Variants in REEP1 observed in about 807,000 individuals in gnomAD.
REEP1 encodes the protein receptor accessory protein 1, also known as receptor expression-enhancing protein 1.
In REEP1, 22 loss-of-function variants were observed where a neutral mutation model predicts 40.3. That is an observed-to-expected ratio of 0.55 (90% CI 0.39 to 0.78). The LOEUF is 0.78. Ranked by LOEUF, REEP1 falls within the 30% of genes least tolerant of loss-of-function variation. REEP1 has a pLI of 0.00. For synonymous variants in REEP1, 116 were observed against 139.2 expected (o/e 0.83, Z 1.17); for missense variants, 280 against 361.1 (o/e 0.78, Z 1.82).
intron 2 of REEP1, among the ~76,000 whole-genome samples, chr2:86,279,561 G>A (rs1338596615): frequency 6.6e-6 from 1 of 152,172 alleles, no homozygotes; most frequent in Non-Finnish European, 1.5e-5. Flanking sequence ...ATTAAATTAA[G>A]GACCTTCAGA....
chr2:86,241,136 C>A lies in REEP1; in HGVS notation c.418-8334G>T, dbSNP rs144254451. 1.6e-3 allele frequency among the ~76,000 whole-genome samples: 249 copies of A among 152,350 alleles called. 3 individuals carry two copies. The highest frequency in any genetic ancestry group is 5.8e-3 in the African/African-American group (240 of 41,586). On this transcript the variant is annotated intron_variant, in intron 5 of 8. Transcript: ENST00000538924. ...ACCAGGAGGGACCCTCCACATACAG[C>A]AGCTGCCCCTGGCCTTGCCTGTGGA...
intron 8 of REEP1, 29 bp from the exon 9 acceptor site, chr2:86,217,139 C>A: frequency 6.3e-7 from 1 of 1,593,180 alleles, no homozygotes; most frequent in Non-Finnish European, 8.6e-7. Context: ...AGGTGTCCCT[C>A]AGTTTGGTGT....
intron 1 of REEP1, among the ~76,000 whole-genome samples, chr2:86,332,436 A>AACACACACAC (rs55793634): frequency 0.063 from 8,521 of 136,026 alleles, 693 homozygotes; most frequent in African/African-American, 0.19. Context: ...CTTTCCTGGA[A>AACACACACAC]ACACACACAC....
intron 7 of REEP1, among the ~76,000 whole-genome samples, chr2:86,225,957 CA>C (rs528161657): frequency 8.2e-4 from 125 of 152,302 alleles, no homozygotes; most frequent in South Asian, 6.2e-3. Context: ...TGGCAACCAC[CA>C]GGTGGCTGTG....
chr2:86,246,995 C>G (rs1321972193), intron 5 of REEP1, among the ~76,000 whole-genome samples: 1 of 152,112 alleles, frequency 6.6e-6, no homozygotes, highest in Non-Finnish European at 1.5e-5. Context: ...GCCACCACGG[C>G]CAGCCTATGG....
At chr2:86,301,491 C>T (rs1313594498) in intron 1 of REEP1, among the ~76,000 whole-genome samples, 2 of 152,214 alleles carry the variant, frequency 1.3e-5, no homozygotes, top group African/African-American at 4.8e-5. Flanking sequence ...AAATAACTAA[C>T]AACAATTCCT....
intron 1 of REEP1, among the ~76,000 whole-genome samples, chr2:86,288,753 C>T (rs77665917): frequency 0.01 from 1,545 of 152,282 alleles, 28 homozygotes; most frequent in African/African-American, 0.035. Context: ...TAATACTCCC[C>T]ATTCTTGCCA....
In REEP1 at chr2:86,216,880, AT is replaced by A; in HGVS notation, c.*158del. ...CAAAATAAAGAAAAGGGGGAAAAAA[AT>A]AAATCCTTAAAAGTGGAAGGGGAGA... is the stretch of plus-strand genomic sequence containing the variant. On this transcript the variant is annotated 3_prime_UTR_variant, in exon 9 of 9. Coordinates refer to ENST00000538924, the MANE Select transcript of REEP1 (RefSeq NM_001371279.1). 1 of 641,824 alleles carries A rather than the reference AT, an allele frequency of 1.6e-6. No individual in the cohort carries two copies. Among genetic ancestry groups the A allele is most frequent in the African/African-American group, 1.8e-5 (1 of 54,578 alleles). 39.8% of individuals were successfully genotyped at this position (641,824 alleles called of 1,614,324 possible). A position where few individuals can be genotyped will look rare whatever the true frequency, so the allele number is the denominator to read the frequency against.
chr2:86,240,387 T>C (rs2104120951), intron 5 of REEP1, among the ~76,000 whole-genome samples: 1 of 152,342 alleles, frequency 6.6e-6, no homozygotes, highest in Middle Eastern at 3.4e-3. Flanking sequence ...GGGCAGGGGA[T>C]GGCACCGTCA....
rs536002782 is a variant in REEP1 at position 86,249,134 on chromosome 2, C to T, written c.417+2823G>A. On this transcript the variant is annotated intron_variant, in intron 5 of 8. Transcript: ENST00000538924. ...ATTAGACAGGCATGGTGGCAGGCGCCTATAATCCCAGCTACTCAGGAGGCT... is the reference window on the plus strand; with the variant it reads ...ATTAGACAGGCATGGTGGCAGGCGCTTATAATCCCAGCTACTCAGGAGGCT... 1.7e-3 allele frequency among the ~76,000 whole-genome samples: 261 copies of T among 152,254 alleles called. 1 individual carries two copies. Among genetic ancestry groups the T allele is most frequent in the Middle Eastern group, 3.4e-3 (1 of 294 alleles).
rs1679037585 is a variant in REEP1, at chr2:86,297,406, A to G, written c.33-15164T>C. Among the ~76,000 whole-genome samples the G allele has an allele frequency of 2.0e-5, 3 of 152,286 alleles. No homozygotes were observed. In the South Asian group the frequency reaches 6.2e-4, roughly 31 times the overall value. Reference sequence around the variant, plus strand: ...ATAATATACGTTATGATACTTGAAAATGGAAATGCTGCACAGACTTGCAAA... The same window carrying G: ...ATAATATACGTTATGATACTTGAAAGTGGAAATGCTGCACAGACTTGCAAA... On this transcript the variant is annotated intron_variant, in intron 1 of 8. Coordinates refer to ENST00000538924, the MANE Select transcript of REEP1 (RefSeq NM_001371279.1).
chr2:86,274,418 C>T (rs571633174), intron 2 of REEP1, among the ~76,000 whole-genome samples: 3 of 152,260 alleles, frequency 2.0e-5, no homozygotes, highest in East Asian at 3.9e-4. Flanking sequence ...TGAAGAAGTT[C>T]CCATGATGCA....
At chr2:86,260,366 G>T (rs1260937987) in intron 3 of REEP1, among the ~76,000 whole-genome samples, 1 of 152,142 alleles carries the variant, frequency 6.6e-6, no homozygotes, top group African/African-American at 2.4e-5. Context: ...AGCAGAAGAG[G>T]CCTCCACATG....
At chr2:86,290,868 C>T (rs1458145781) in intron 1 of REEP1, among the ~76,000 whole-genome samples, 1 of 152,208 alleles carries the variant, frequency 6.6e-6, no homozygotes, top group Non-Finnish European at 1.5e-5. Context: ...GGTCCCAACC[C>T]CTGGGCTTCT....
intron 1 of REEP1, among the ~76,000 whole-genome samples, chr2:86,309,540 T>C (rs1679662401): frequency 6.6e-6 from 1 of 152,190 alleles, no homozygotes; most frequent in Admixed American, 6.5e-5. Flanking sequence ...CAAAAAACAC[T>C]ACAGACGGGA....
At chr2:86,255,084 C>T (rs1028823731) in intron 3 of REEP1, 1 of 379,790 alleles carries the variant, frequency 2.6e-6, no homozygotes, top group South Asian at 3.1e-5. Context: ...CAATCACCCC[C>T]GTGGCCCTGC....
intron 1 of REEP1, chr2:86,297,625 G>A (rs772693685): frequency 3.1e-5 from 27 of 858,820 alleles, no homozygotes; most frequent in Non-Finnish European, 3.8e-5. Context: ...CTACCTGCAA[G>A]AGAGATTCTC....
intron 3 of REEP1, among the ~76,000 whole-genome samples, chr2:86,259,673 C>T (rs141195153): frequency 6.6e-6 from 1 of 152,198 alleles, no homozygotes; most frequent in East Asian, 1.9e-4. Context: ...CAGGCATGAG[C>T]CACCACGCCC....
At chr2:86,313,867 GT>G (rs1340905815) in intron 1 of REEP1, among the ~76,000 whole-genome samples, 4 of 152,188 alleles carry the variant, frequency 2.6e-5, no homozygotes, top group Non-Finnish European at 4.4e-5. Context: ...TCATCCTGCA[GT>G]GCCAGATCTT....
Sources: gnomAD v4.1 joint callset for allele counts (sites outside exome capture counted in the v4.1 genomes callset) on GRCh38, gnomAD v4.1.1 for gene constraint, MANE v1.5 for transcripts, NCBI Gene and HGNC (gene_info 2026-07-23, HGNC 2026-07-21) for gene names.